Variants in FGF1 observed in about 807,000 individuals in gnomAD.
FGF1 encodes the protein fibroblast growth factor 1.
A neutral mutation model predicts 13.4 loss-of-function variants in FGF1; 9 were observed. The observed-to-expected ratio is 0.67, with a 90% confidence interval of 0.40 to 1.17. The LOEUF (loss-of-function observed/expected upper bound fraction) is 1.17. Ranked by LOEUF, FGF1 falls within the 50% of genes most tolerant of loss-of-function variation. The probability of loss-of-function intolerance (pLI) is 0.01; values close to 1 mark genes in which losing one functional copy is unlikely to be tolerated. For synonymous variants in FGF1, 93 were observed against 79.0 expected (o/e 1.18, Z -0.94); for missense variants, 156 against 192.7 (o/e 0.81, Z 1.13).
chr5:142,606,712 AT>A (rs1757777446), intron 2 of FGF1, among the ~76,000 whole-genome samples: 2 of 152,220 alleles, frequency 1.3e-5, no homozygotes, highest in African/African-American at 4.8e-5. Context: ...TACTGACCAG[AT>A]TCATACAAGT....
In FGF1 at chr5:142,637,358, C is replaced by T. The variant is rs144979743; in HGVS notation, c.-34-23197G>A. On this transcript the variant is annotated intron_variant, in intron 1 of 3. Coordinates refer to ENST00000337706, the MANE Select transcript of FGF1 (RefSeq NM_000800.5). ...TTTTTGAGACAGAGTCTTGCTCTGT[C>T]GCCCAGGCTGGAGTGCAGTGGCTCG... Among the ~76,000 whole-genome samples, 13 of 148,488 alleles carry T rather than the reference C, an allele frequency of 8.8e-5. 1 individual carries two copies. The East Asian group carries it at 1.0e-3, about 12-fold the overall frequency.
At chr5:142,622,020 T>G (rs1026587109) in intron 1 of FGF1, among the ~76,000 whole-genome samples, 6 of 152,266 alleles carry the variant, frequency 3.9e-5, no homozygotes, top group Non-Finnish European at 2.9e-5. Flanking sequence ...ACTACCAGTG[T>G]TTAATTACAC....
chr5:142,669,935 G>C (rs1182190289), intron 1 of FGF1, among the ~76,000 whole-genome samples: 3 of 152,130 alleles, frequency 2.0e-5, no homozygotes, highest in African/African-American at 7.2e-5. Flanking sequence ...GCACAGTCAG[G>C]AGGAGAGCCA....
intron 1 of FGF1, among the ~76,000 whole-genome samples, chr5:142,658,127 C>T (rs1768507428): frequency 6.6e-6 from 1 of 152,232 alleles, no homozygotes; most frequent in Non-Finnish European, 1.5e-5. Flanking sequence ...AATGACAGTG[C>T]AGTGGTTACA....
At chr5:142,648,587 C>A (rs1159756105) in intron 1 of FGF1, among the ~76,000 whole-genome samples, 2 of 149,452 alleles carry the variant, frequency 1.3e-5, no homozygotes, top group Non-Finnish European at 3.0e-5. Flanking sequence ...AGCAAACCAC[C>A]ATGGCATGTG....
chr5:142,641,420 T>A (rs1224820500), intron 1 of FGF1, among the ~76,000 whole-genome samples: 1 of 152,032 alleles, frequency 6.6e-6, no homozygotes, highest in Admixed American at 6.5e-5. Flanking sequence ...CAGAATGTTT[T>A]TGTCTTGAAT....
chr5:142,660,907 C>T (rs756908053), intron 1 of FGF1, among the ~76,000 whole-genome samples: 3 of 152,198 alleles, frequency 2.0e-5, no homozygotes, highest in Admixed American at 6.5e-5. Flanking sequence ...ATTCTGTGTT[C>T]CTCCTTCCTT....
chr5:142,669,105 T>C (rs1161596776), intron 1 of FGF1, among the ~76,000 whole-genome samples: 1 of 152,250 alleles, frequency 6.6e-6, no homozygotes, highest in Non-Finnish European at 1.5e-5. Flanking sequence ...ACAGGGTTAG[T>C]GCAAGCTAGC....
At chr5:142,659,659 T>C (rs1768830436) in intron 1 of FGF1, among the ~76,000 whole-genome samples, 1 of 152,206 alleles carries the variant, frequency 6.6e-6, no homozygotes. Flanking sequence ...CCACTCAGGC[T>C]TCATAGCTTT....
intron 1 of FGF1, among the ~76,000 whole-genome samples, chr5:142,628,187 C>G (rs1299590015): frequency 6.6e-6 from 1 of 152,166 alleles, no homozygotes; most frequent in African/African-American, 2.4e-5. Flanking sequence ...TATCTAGCAT[C>G]TTCAGGAAGG....
intron 1 of FGF1, among the ~76,000 whole-genome samples, chr5:142,650,398 C>A (rs1348099508): frequency 6.6e-6 from 1 of 152,224 alleles, no homozygotes; most frequent in African/African-American, 2.4e-5. Context: ...CCTGGCCTCA[C>A]CACTCACTTA....
intron 1 of FGF1, among the ~76,000 whole-genome samples, chr5:142,655,775 G>C (rs1042492354): frequency 6.6e-6 from 1 of 152,180 alleles, no homozygotes; most frequent in Non-Finnish European, 1.5e-5. Flanking sequence ...ATATTGGAAC[G>C]GGAGAGCCAG....
chr5:142,605,918 G>C (rs1245548900), intron 2 of FGF1, among the ~76,000 whole-genome samples: 1 of 152,170 alleles, frequency 6.6e-6, no homozygotes, highest in Non-Finnish European at 1.5e-5. Context: ...GAAGGAGAGA[G>C]CATGAGAAAG....
At chr5:142,645,367 C>T (rs977877750) in intron 1 of FGF1, among the ~76,000 whole-genome samples, 1 of 152,142 alleles carries the variant, frequency 6.6e-6, no homozygotes, top group Non-Finnish European at 1.5e-5. Flanking sequence ...CATCGCATTC[C>T]TCAGCCTACA....
At chr5:142,674,385 A>C (rs895103490) in intron 1 of FGF1, among the ~76,000 whole-genome samples, 6 of 152,112 alleles carry the variant, frequency 3.9e-5, no homozygotes, top group African/African-American at 1.4e-4. Flanking sequence ...CTCCCTAAAT[A>C]TGAAAGGAAG....
intron 1 of FGF1, among the ~76,000 whole-genome samples, chr5:142,646,208 CTT>C (rs762008952): frequency 1.8e-5 from 1 of 54,916 alleles, no homozygotes; most frequent in Non-Finnish European, 3.2e-5. Context: ...CGCACCTGGC[CTT>C]TTTTTTTTTT....
chr5:142,682,273 G>A (rs1214467523), intron 1 of FGF1, among the ~76,000 whole-genome samples: 1 of 152,124 alleles, frequency 6.6e-6, no homozygotes, highest in Non-Finnish European at 1.5e-5. Flanking sequence ...TAGTAGACAT[G>A]GGGTTTCACC....
At chr5:142,689,694 GT>G (rs5871823), upstream of FGF1, among the ~76,000 whole-genome samples, 6,611 of 115,338 alleles carry the variant, frequency 0.057, 190 homozygotes, top group South Asian at 0.093. Flanking sequence ...CTCGATCCTA[GT>G]TTTTTTTTTT....
chr5:142,651,236 T>G (rs893576488), intron 1 of FGF1, among the ~76,000 whole-genome samples: 2 of 152,164 alleles, frequency 1.3e-5, no homozygotes, highest in Non-Finnish European at 2.9e-5. Context: ...CCACCACGAC[T>G]TGCCTAGGAA....
Sources: gnomAD v4.1 joint callset for allele counts (sites outside exome capture counted in the v4.1 genomes callset) on GRCh38, gnomAD v4.1.1 for gene constraint, MANE v1.5 for transcripts, NCBI Gene and HGNC (gene_info 2026-07-23, HGNC 2026-07-21) for gene names.